CACNA1I: variants seen among roughly 807,000 people sequenced by gnomAD.
CACNA1I encodes the protein voltage-dependent T-type calcium channel subunit alpha-1I.
In CACNA1I, 74 loss-of-function variants were observed where a neutral mutation model predicts 201.6. That is an observed-to-expected ratio of 0.37 (90% CI 0.30 to 0.45). CACNA1I has a LOEUF of 0.45. CACNA1I is among the 20% of genes least tolerant of loss of function. The pLI, the probability that CACNA1I is intolerant of heterozygous loss-of-function variation, is 1.00. For missense variants in CACNA1I, 2,346 were observed against 3,138.1 expected (o/e 0.75, Z 6.03); for synonymous variants, 1,431 against 1,345.2 (o/e 1.06, Z -1.40).
Position 39,659,705 on chromosome 22 carries a change from C to T in CACNA1I, c.2457C>T (p.Thr819=), listed in dbSNP as rs1375060938. Residue 819 remains threonine, a synonymous_variant, in exon 14 of 37, where the codon ACC becomes ACT. Transcript: ENST00000402142. The surrounding 1 kb of genome is among the most constrained non-coding windows in gnomAD (Gnocchi z 4.3). The stretch of plus-strand genomic sequence containing the variant: ...CTGTGTCTCCCCAACAGATCCTCAC[C>T]CAGGAGGACTGGAACGTCGTTCTCT... The part of the protein sequence containing the change: ...WAIVTVFQIL[T]QEDWNVVLYN... 2 of 1,613,860 alleles carry T rather than the reference C, an allele frequency of 1.2e-6. No individual in the cohort carries two copies. The highest frequency in any genetic ancestry group is 1.7e-6 in the Non-Finnish European group (2 of 1,179,852).
At position 39,597,341 on chromosome 22, in the gene CACNA1I, T is replaced by TG. The variant is rs545680899; in HGVS notation, c.237-807dup. On this transcript the variant is annotated intron_variant, in intron 1 of 36. Coordinates refer to ENST00000402142, the MANE Select transcript of CACNA1I (RefSeq NM_021096.4). ...GACACTGCGGGCTGTGTTCTAAGGATGGGTAGGAGTTGGCCTGGGAGGGAG... is the reference window on the plus strand; with the variant it reads ...GACACTGCGGGCTGTGTTCTAAGGATGGGGTAGGAGTTGGCCTGGGAGGGAG... Among the ~76,000 whole-genome samples the TG allele has an allele frequency of 4.1e-4, 62 of 151,818 alleles. 1 individual carries two copies. The East Asian group carries it at 0.011, about 27-fold the overall frequency.
intron 33 of CACNA1I, 103 bp from the exon 34 acceptor site, chr22:39,680,827 C>A: frequency 7.6e-7 from 1 of 1,311,450 alleles, no homozygotes; most frequent in Non-Finnish European, 1.0e-6. Context: ...CTGACCACTG[C>A]TCGGCCTCTC....
At chr22:39,577,490 C>T (rs766472671) in intron 1 of CACNA1I, among the ~76,000 whole-genome samples, 4 of 152,230 alleles carry the variant, frequency 2.6e-5, no homozygotes, top group Admixed American at 6.5e-5. Context: ...TTGTGCTGCG[C>T]GTGACGAGGG....
intron 7 of CACNA1I, among the ~76,000 whole-genome samples, chr22:39,644,156 T>C (rs1372196048): frequency 1.3e-5 from 2 of 151,996 alleles, no homozygotes; most frequent in Non-Finnish European, 2.9e-5. Context: ...ACAGAGCCCC[T>C]GAAGCTGGCC....
intron 3 of CACNA1I, among the ~76,000 whole-genome samples, chr22:39,605,716 T>C (rs1033482898): frequency 3.3e-5 from 5 of 151,984 alleles, no homozygotes. Context: ...CTGCTTTTGA[T>C]TGGGGGGTGT....
At chr22:39,658,031 C>T (rs899119407) in intron 10 of CACNA1I, 121 bp from the exon 11 acceptor site, 162 of 978,058 alleles carry the variant, frequency 1.7e-4, no homozygotes, top group Middle Eastern at 3.0e-4. Context: ...AGTGGGGAGA[C>T]GGAGGTATGG....
chr22:39,571,101 T>G (rs779218958), intron 1 of CACNA1I, 113 bp downstream of exon 1: 2 of 903,590 alleles, frequency 2.2e-6, no homozygotes, highest in Non-Finnish European at 3.6e-6. Flanking sequence ...AGGTCTGCGG[T>G]GAGGCCACTG....
rs1220031497 is a variant in CACNA1I at position 39,662,282 on chromosome 22, G to A, written c.3219G>A (p.Ala1073=). 4.0e-6 allele frequency: 6 copies of A among 1,515,004 alleles called. No individual in the cohort carries two copies. In the African/African-American group the frequency reaches 4.3e-5, roughly 11 times the overall value. 93.8% of individuals were successfully genotyped at this position (1,515,004 alleles called of 1,614,324 possible). Residue 1073 remains alanine (A), a synonymous_variant, in exon 17 of 37, where the codon GCG becomes GCA. Coordinates refer to ENST00000402142, the MANE Select transcript of CACNA1I (RefSeq NM_021096.4). ...TGGACCTGGCCGAGCTGGTGCCCGC[G>A]GTGGGCGCCCACCCCCGGGCCGCCT... ...DSVDLAELVP[A]VGAHPRAAWR... is the part of the protein sequence containing the mutation.
chr22:39,570,801 G>C lies in CACNA1I; in HGVS notation c.49G>C (p.Ala17Pro). The stretch of plus-strand genomic sequence containing the variant: ...CTCCTCATCTGCAGCAGCCCCAGCC[G>C]CTGAGCCAGGAGTCACCACGGAGCA... ...PPSSSAAAPA[A>P]EPGVTTEQPG... The change falls in exon 1 of 37, where the codon GCT (alanine) becomes CCT (proline). Residue 17 changes from alanine (A) to proline (P), a missense_variant. By Grantham distance (27) the Ala-to-Pro change is conservative. Coordinates refer to ENST00000402142, the MANE Select transcript of CACNA1I (RefSeq NM_021096.4). 1 of 1,613,000 alleles carries C rather than the reference G, an allele frequency of 6.2e-7. No homozygotes were observed. The highest frequency in any genetic ancestry group is 2.2e-5 in the East Asian group (1 of 44,878).
At chr22:39,672,373 C>A in intron 27 of CACNA1I, 65 bp downstream of exon 27, 1 of 1,125,044 alleles carries the variant, frequency 8.9e-7, no homozygotes, top group Non-Finnish European at 1.4e-6. Flanking sequence ...GCAGTCCTGA[C>A]CCTTAGGGAA....
In CACNA1I at chr22:39,679,118, G is replaced by A; in HGVS notation, c.5067G>A (p.Arg1689=). 6.3e-7 allele frequency: 1 copy of A among 1,593,402 alleles called. No homozygotes were observed. The highest frequency in any genetic ancestry group is 8.5e-7 in the Non-Finnish European group (1 of 1,170,942). ...TCCCTGCCACGCAGGACACGCTGCG[G>A]GACTGCACCCACGACGAGCGCAGCT... The part of the protein sequence containing the change: ...NWNGIMKDTL[R]DCTHDERSCL... Residue 1689 remains arginine, a synonymous_variant, in exon 32 of 37, where the codon CGG becomes CGA. Coordinates refer to ENST00000402142, the MANE Select transcript of CACNA1I (RefSeq NM_021096.4).
chr22:39,652,415 C>T (rs558210531), intron 10 of CACNA1I, among the ~76,000 whole-genome samples: 70 of 152,308 alleles, frequency 4.6e-4, no homozygotes, highest in African/African-American at 1.7e-3. Flanking sequence ...CTGATTTCCT[C>T]ATCTACTAAG....
chr22:39,667,906 C>T (rs1051949955), intron 23 of CACNA1I, among the ~76,000 whole-genome samples: 2 of 152,032 alleles, frequency 1.3e-5, no homozygotes, highest in African/African-American at 2.4e-5. Flanking sequence ...TGGCAGGGAC[C>T]GTCTGGTTGA....
chr22:39,576,161 A>C (rs1321047154), intron 1 of CACNA1I, among the ~76,000 whole-genome samples: 2 of 152,164 alleles, frequency 1.3e-5, no homozygotes, highest in African/African-American at 4.8e-5. Flanking sequence ...CCCCTCTCTG[A>C]GCCTCAGTTT....
chr22:39,639,346 T>C (rs1934297268), intron 5 of CACNA1I, among the ~76,000 whole-genome samples: 3 of 152,248 alleles, frequency 2.0e-5, no homozygotes, highest in Non-Finnish European at 2.9e-5. Flanking sequence ...CATTAGTATG[T>C]AGTCAATCTG....
intron 10 of CACNA1I, among the ~76,000 whole-genome samples, chr22:39,656,189 C>T (rs1445205588): frequency 6.6e-6 from 1 of 152,144 alleles, no homozygotes; most frequent in Non-Finnish European, 1.5e-5. Context: ...ATTAGCTTTC[C>T]CAGGCATCAG....
At chr22:39,642,691 G>A in intron 6 of CACNA1I, 106 bp from the exon 7 acceptor site, 1 of 716,118 alleles carries the variant, frequency 1.4e-6, no homozygotes, top group Non-Finnish European at 2.5e-6. Context: ...GGCAGCATGT[G>A]TGATGCGTTC....
chr22:39,642,295 T>C (rs560210952), intron 6 of CACNA1I, among the ~76,000 whole-genome samples: 301 of 152,148 alleles, frequency 2.0e-3, no homozygotes, highest in African/African-American at 7.2e-3. Flanking sequence ...GGTTTGTCTT[T>C]CTCAAGGCTG....
Position 39,659,240 on chromosome 22 carries a change from A to G in CACNA1I, c.2330+124A>G. The stretch of plus-strand genomic sequence containing the variant: ...CCTGGACCTGGGTGTGAAGCCTGAC[A>G]CTGTTCCTCAGTCCCCTGTGGCTTT... On this transcript the variant is annotated intron_variant, in intron 12 of 36. Transcript: ENST00000402142. The surrounding 1 kb of genome is among the most constrained non-coding windows in gnomAD (Gnocchi z 4.3). 2 of 1,222,998 alleles carry G rather than the reference A, an allele frequency of 1.6e-6. No homozygotes were observed. Among genetic ancestry groups the G allele is most frequent in the Non-Finnish European group, 2.3e-6 (2 of 869,372 alleles). The allele number at this position is 1,222,998 out of a possible 1,614,324, so 75.8% of individuals were successfully genotyped here.
Sources: allele counts gnomAD v4.1 joint callset (sites outside exome capture counted in the v4.1 genomes callset), GRCh38; gene constraint gnomAD v4.1.1; non-coding constraint Gnocchi (gnomAD v3.1); transcripts MANE v1.5; gene names NCBI Gene and HGNC (gene_info 2026-07-23, HGNC 2026-07-21).